The following OSMR variants were observed in gnomAD, a reference collection of about 807,000 sequenced individuals.
OSMR encodes oncostatin M receptor, also known as oncostatin-M-specific receptor subunit beta.
Under a neutral mutation model 99.9 loss-of-function variants are expected in OSMR, and 81 were observed. The ratio of observed to expected loss-of-function variants is 0.81; its 90% confidence interval spans 0.68 to 0.97. The LOEUF is 0.97. Among genes scored for constraint, OSMR ranks in the 50% least tolerant of loss-of-function variants. The probability of loss-of-function intolerance (pLI) is 0.00; values close to 1 mark genes in which losing one functional copy is unlikely to be tolerated. For synonymous variants in OSMR, 406 were observed against 410.4 expected, an observed-to-expected ratio of 0.99 and a Z score of 0.13; for missense variants, 1,099 against 1,153.4, an observed-to-expected ratio of 0.95 and a Z score of 0.68.
At chr5:38,862,564 G>T (rs574702943) in intron 1 of OSMR, among the ~76,000 whole-genome samples, 1 of 150,520 alleles carries the variant, frequency 6.6e-6, no homozygotes, top group South Asian at 2.1e-4. Flanking sequence ...CTTCTCAGAC[G>T]GGGCGGCCGG....
intron 2 of OSMR, among the ~76,000 whole-genome samples, chr5:38,871,089 TAAAAC>T (rs1742349895): frequency 6.6e-6 from 1 of 152,128 alleles, no homozygotes; most frequent in Non-Finnish European, 1.5e-5. Flanking sequence ...GAGAAAATAA[TAAAAC>T]AATAGTAACT....
chr5:38,904,574 T>G, intron 9 of OSMR, 71 bp downstream of exon 9: 1 of 1,600,110 alleles, frequency 6.2e-7, no homozygotes, highest in Non-Finnish European at 8.6e-7. Flanking sequence ...CTTAAGAGAT[T>G]TTGGTTGTAC....
chr5:38,877,743 T>C (rs1399344303), intron 3 of OSMR, among the ~76,000 whole-genome samples: 1 of 152,202 alleles, frequency 6.6e-6, no homozygotes, highest in Non-Finnish European at 1.5e-5. Flanking sequence ...ACATTAACCA[T>C]AGACTACATG....
intron 7 of OSMR, among the ~76,000 whole-genome samples, chr5:38,894,232 G>C (rs1258585384): frequency 6.6e-6 from 1 of 152,090 alleles, no homozygotes; most frequent in South Asian, 2.1e-4. Context: ...TCACACTTAA[G>C]TACCTAGCCC....
intron 3 of OSMR, 130 bp downstream of exon 3, chr5:38,876,503 A>C: frequency 1.3e-6 from 1 of 743,624 alleles, no homozygotes; most frequent in South Asian, 1.7e-5. Context: ...TTGTCTAAAC[A>C]ATTACATTTC....
chr5:38,896,276 A>G (rs1209194805), intron 7 of OSMR, among the ~76,000 whole-genome samples: 6 of 152,094 alleles, frequency 3.9e-5, no homozygotes, highest in Admixed American at 6.5e-5. Context: ...CTTCCCATCT[A>G]TGAACATGCA....
chr5:38,924,401 T>C (rs1746373707), intron 13 of OSMR, 21 bp from the exon 14 acceptor site: 2 of 1,613,910 alleles, frequency 1.2e-6, no homozygotes, highest in African/African-American at 2.7e-5. Context: ...ACTTTTCTCT[T>C]ATCCCAACTT....
intron 9 of OSMR, among the ~76,000 whole-genome samples, chr5:38,915,967 C>T (rs1041192839): frequency 6.6e-6 from 1 of 152,146 alleles, no homozygotes. Flanking sequence ...ATATCTTCAT[C>T]AGTTAAAGCC....
intron 1 of OSMR, among the ~76,000 whole-genome samples, chr5:38,849,363 CT>C (rs1285067665): frequency 6.6e-6 from 1 of 152,092 alleles, no homozygotes; most frequent in African/African-American, 2.4e-5. Context: ...AATAATTCAT[CT>C]TTTTTCCAAC....
chr5:38,924,699 C>A, intron 14 of OSMR, 104 bp downstream of exon 14: 1 of 1,018,730 alleles, frequency 9.8e-7, no homozygotes, highest in Non-Finnish European at 1.5e-6. Context: ...GGCTGAATTC[C>A]CTTCTTGCAT....
Position 38,931,929 on chromosome 5 carries a change from G to T in OSMR, c.2259G>T (p.Leu753Phe). Residue 753 changes from leucine to phenylalanine, a missense_variant, in exon 16 of 18, where the codon TTG becomes TTT. Coordinates refer to ENST00000274276, the MANE Select transcript of OSMR (RefSeq NM_003999.3). ...HILLPMVFCV[L>F]LIMVMCYLKS... The stretch of plus-strand genomic sequence containing the variant: ...TACTGCCCATGGTTTTCTGCGTCTT[G>T]CTCATCATGGTCATGTGCTACTTGA... The T allele has an allele frequency of 6.2e-7, 1 of 1,613,502 alleles. No homozygotes were observed. Among genetic ancestry groups the T allele is most frequent in the African/African-American group, 1.3e-5 (1 of 74,988 alleles).
intron 1 of OSMR, among the ~76,000 whole-genome samples, chr5:38,853,171 A>G (rs1442375423): frequency 6.6e-6 from 1 of 152,154 alleles, no homozygotes; most frequent in Non-Finnish European, 1.5e-5. Context: ...TTATAAAACT[A>G]TTTACCTATG....
chr5:38,919,099 T>G (rs1266166894), intron 11 of OSMR, 37 bp downstream of exon 11: 1 of 1,608,572 alleles, frequency 6.2e-7, no homozygotes, highest in Non-Finnish European at 8.5e-7. Flanking sequence ...TTTTATTCTC[T>G]AGGAAAATGT....
intron 7 of OSMR, among the ~76,000 whole-genome samples, chr5:38,902,802 C>T (rs996474244): frequency 6.6e-6 from 1 of 152,180 alleles, no homozygotes; most frequent in African/African-American, 2.4e-5. Context: ...CAAGGACCAT[C>T]AGAGGACCTC....
downstream of OSMR, chr5:38,937,905 AAAAC>A: frequency 5.6e-6 from 1 of 178,668 alleles, no homozygotes; most frequent in Non-Finnish European, 1.2e-5. The surrounding 1 kb of genome is among the most constrained non-coding windows in gnomAD (Gnocchi z 4.0). Flanking sequence ...GATTTCAAAT[AAAAC>A]AATGACAAAG....
At position 38,883,890 on chromosome 5, in the gene OSMR, G is replaced by C; in HGVS notation, c.482G>C (p.Gly161Ala). 6.2e-7 allele frequency: 1 copy of C among 1,613,040 alleles called. No individual in the cohort carries two copies. Among genetic ancestry groups the C allele is most frequent in the East Asian group, 2.2e-5 (1 of 44,848 alleles). The change falls in exon 5 of 18, where the codon GGC (glycine) becomes GCC (alanine). Residue 161 changes from glycine (G) to alanine (A), a missense_variant. Coordinates refer to ENST00000274276, the MANE Select transcript of OSMR (RefSeq NM_003999.3). ...CCTAAAGATAAGCTGGTGGAAGAAG[G>C]CACCAATGTTACCATTTGTTACGTT... ...VFPKDKLVEEGTNVTICYVSR... is the reference protein window; with the variant it reads ...VFPKDKLVEEATNVTICYVSR...
chr5:38,856,857 G>T (rs943901089), intron 1 of OSMR, among the ~76,000 whole-genome samples: 6 of 152,104 alleles, frequency 3.9e-5, no homozygotes, highest in African/African-American at 1.4e-4. Context: ...GCCCAGTCTG[G>T]TCTGGAACTC....
rs184041504 is a variant in OSMR at position 38,877,534 on chromosome 5, A to G, written c.246+1161A>G. ...GCTGTTTACTCCCTGCTATCAACAC[A>G]TCTTTCCACTATCTCACCTTATACT... On this transcript the variant is annotated intron_variant, in intron 3 of 17. Transcript: ENST00000274276. Among the ~76,000 whole-genome samples, 249 of 152,310 alleles carry G rather than the reference A, an allele frequency of 1.6e-3. 1 individual carries two copies. Among genetic ancestry groups the G allele is most frequent in the Admixed American group, 5.9e-3 (90 of 15,294 alleles).
intron 3 of OSMR, among the ~76,000 whole-genome samples, chr5:38,879,069 G>A (rs1026864450): frequency 6.6e-6 from 1 of 152,234 alleles, no homozygotes; most frequent in African/African-American, 2.4e-5. Flanking sequence ...TCACTGATGA[G>A]ATGCTATGAG....
Sources: gnomAD v4.1 joint callset for allele counts (sites outside exome capture counted in the v4.1 genomes callset) on GRCh38, gnomAD v4.1.1 for gene constraint, Gnocchi (gnomAD v3.1) non-coding constraint, MANE v1.5 for transcripts, NCBI Gene and HGNC (gene_info 2026-07-23, HGNC 2026-07-21) for gene names.